The following CDK6 variants were observed in gnomAD, a reference collection of about 807,000 sequenced individuals.
CDK6 encodes cyclin-dependent kinase 6.
CDK6 carries 6 observed loss-of-function variants against 37.1 expected under a neutral mutation model. That is an observed-to-expected ratio of 0.16 (90% CI 0.09 to 0.32). The LOEUF (loss-of-function observed/expected upper bound fraction) is 0.32. Ranked by LOEUF, CDK6 falls within the 10% of genes least tolerant of loss-of-function variation. The probability of loss-of-function intolerance (pLI) is 1.00; values close to 1 mark genes in which losing one functional copy is unlikely to be tolerated. For missense variants in CDK6, 224 were observed against 418.9 expected (o/e 0.53, Z 4.06); for synonymous variants, 160 against 161.3 (o/e 0.99, Z 0.06).
chr7:92,630,498 G>T, intron 5 of CDK6, among the ~76,000 whole-genome samples: 1 of 152,106 alleles, frequency 6.6e-6, no homozygotes, highest in East Asian at 1.9e-4. Context: ...CTTTGCAAAT[G>T]AAAGAAAGTT....
intron 4 of CDK6, among the ~76,000 whole-genome samples, chr7:92,721,328 G>A (rs1798360467): frequency 6.6e-6 from 1 of 152,130 alleles, no homozygotes; most frequent in African/African-American, 2.4e-5. Context: ...CCTGTGTGCG[G>A]TATGGGGCAG....
At chr7:92,792,831 C>T (rs1800316827) in intron 2 of CDK6, among the ~76,000 whole-genome samples, 1 of 151,888 alleles carries the variant, frequency 6.6e-6, no homozygotes, top group Non-Finnish European at 1.5e-5. Context: ...CTTCTCAGAG[C>T]TCCAGACACA....
At chr7:92,658,975 C>A (rs566023744) in intron 5 of CDK6, among the ~76,000 whole-genome samples, 87 of 152,202 alleles carry the variant, frequency 5.7e-4, no homozygotes, top group African/African-American at 1.8e-3. Flanking sequence ...GCTCAAGCAC[C>A]ATTAATTCAG....
chr7:92,782,805 A>C (rs535591743), intron 2 of CDK6, among the ~76,000 whole-genome samples: 26 of 152,230 alleles, frequency 1.7e-4, no homozygotes, highest in South Asian at 4.1e-4. Context: ...CTTGCAACAA[A>C]AAATTGTCCT....
intron 2 of CDK6, among the ~76,000 whole-genome samples, chr7:92,781,332 G>A (rs1271065095): frequency 6.6e-6 from 1 of 152,222 alleles, no homozygotes; most frequent in African/African-American, 2.4e-5. Context: ...CAGTTTTCCA[G>A]CTGTCCTAGT....
At position 92,613,053 on chromosome 7, in the gene CDK6, C is replaced by G. The variant is rs1795597271; in HGVS notation, c.*2087G>C. The G allele has an allele frequency of 4.3e-6, 1 of 233,006 alleles. No individual in the cohort carries two copies. Among genetic ancestry groups the G allele is most frequent in the Non-Finnish European group, 8.5e-6 (1 of 117,998 alleles). The allele number at this position is 233,006 out of a possible 1,614,324, so 14.4% of individuals were successfully genotyped here. On this transcript the variant is annotated 3_prime_UTR_variant, in exon 8 of 8. Transcript: ENST00000424848. ...TGACAACACCTAATCAATGTTGTCA[C>G]AACGAAAGTAGAAAACATTTGTATG...
At chr7:92,787,528 T>C (rs909242636) in intron 2 of CDK6, among the ~76,000 whole-genome samples, 1 of 152,094 alleles carries the variant, frequency 6.6e-6, no homozygotes, top group South Asian at 2.1e-4. Flanking sequence ...AGAATATAAA[T>C]TTTTTGTTTA....
At chr7:92,704,856 C>A (rs1797932541) in intron 4 of CDK6, among the ~76,000 whole-genome samples, 1 of 152,172 alleles carries the variant, frequency 6.6e-6, no homozygotes. Context: ...TAACTTAAGG[C>A]ATGGAATTGC....
chr7:92,698,897 A>G (rs1797779518), intron 4 of CDK6, among the ~76,000 whole-genome samples: 1 of 152,072 alleles, frequency 6.6e-6, no homozygotes, highest in African/African-American at 2.4e-5. Context: ...TTTTTTTCTC[A>G]TTCAGTTATA....
At chr7:92,727,510 T>C (rs1176489749) in intron 3 of CDK6, among the ~76,000 whole-genome samples, 2 of 152,214 alleles carry the variant, frequency 1.3e-5, no homozygotes, top group East Asian at 1.9e-4. Flanking sequence ...CAAGTGCTTG[T>C]ACAGTTTCTG....
intron 5 of CDK6, among the ~76,000 whole-genome samples, chr7:92,656,377 T>C (rs1796699715): frequency 6.6e-6 from 1 of 152,074 alleles, no homozygotes; most frequent in African/African-American, 2.4e-5. Context: ...CAAGGGCCCG[T>C]ATGGAGTTAC....
rs535913719 is a variant in CDK6 at position 92,608,011 on chromosome 7, T to C, written c.*7129A>G. On this transcript the variant is annotated 3_prime_UTR_variant, in exon 8 of 8. Transcript: ENST00000424848. ...CAGAAATATTGCTAGCTGATACATA[T>C]TATTGCATTTCATAAAACTTAAGAT... 37 of 233,436 alleles carry C rather than the reference T, an allele frequency of 1.6e-4. No individual in the cohort carries two copies. The East Asian group carries it at 2.2e-3, about 14-fold the overall frequency. The allele number at this position is 233,436 out of a possible 1,614,324, so 14.5% of individuals were successfully genotyped here.
At chr7:92,766,384 A>G (rs181532520) in intron 3 of CDK6, among the ~76,000 whole-genome samples, 26 of 152,318 alleles carry the variant, frequency 1.7e-4, no homozygotes, top group African/African-American at 5.8e-4. Context: ...AAAAATCAAG[A>G]ATTATGCCTA....
At chr7:92,716,383 G>A (rs1235862683) in intron 4 of CDK6, among the ~76,000 whole-genome samples, 1 of 152,202 alleles carries the variant, frequency 6.6e-6, no homozygotes, top group African/African-American at 2.4e-5. Context: ...ATGCCATGCT[G>A]TAGAGTTACA....
chr7:92,694,285 A>G (rs917879648), intron 4 of CDK6, among the ~76,000 whole-genome samples: 3 of 152,214 alleles, frequency 2.0e-5, no homozygotes, highest in South Asian at 2.1e-4. Context: ...TCTCAACTAC[A>G]AAATCAAGAA....
chr7:92,790,954 T>C (rs1220248764), intron 2 of CDK6, among the ~76,000 whole-genome samples: 1 of 152,112 alleles, frequency 6.6e-6, no homozygotes, highest in Non-Finnish European at 1.5e-5. Context: ...CTCTGGAAAG[T>C]GGGCAACTAT....
intron 2 of CDK6, among the ~76,000 whole-genome samples, chr7:92,826,971 T>C (rs1801338101): frequency 6.6e-6 from 1 of 152,150 alleles, no homozygotes; most frequent in South Asian, 2.1e-4. Context: ...GAAAATACTT[T>C]TACATCTCAA....
Position 92,611,567 on chromosome 7 carries a change from A to G in CDK6, c.*3573T>C. On this transcript the variant is annotated 3_prime_UTR_variant, in exon 8 of 8. Coordinates refer to ENST00000424848, the MANE Select transcript of CDK6 (RefSeq NM_001145306.2). ...GCCATTACTGACTTTAATAGGCACC[A>G]CTTGTAAAAGAAGCAGCTACAGTTT... 4.4e-6 allele frequency: 1 copy of G among 228,688 alleles called. No homozygotes were observed. Among genetic ancestry groups the G allele is most frequent in the Non-Finnish European group, 8.7e-6 (1 of 115,338 alleles). The allele number at this position is 228,688 out of a possible 1,614,324, so 14.2% of individuals were successfully genotyped here.
rs1795415990 is a variant in CDK6, at chr7:92,605,851, CCCG to C, written c.*9286_*9288del. On this transcript the variant is annotated 3_prime_UTR_variant, in exon 8 of 8. Transcript: ENST00000424848. ...AGCTGTGCTGCACCCACAGGGTGGA[CCCG>C]ACAGGCCACTGTGGTAACTCTCAAT... 4.3e-6 allele frequency: 1 copy of C among 233,294 alleles called. No individual in the cohort carries two copies. The highest frequency in any genetic ancestry group is 5.6e-5 in the Admixed American group (1 of 17,774). The allele number at this position is 233,294 out of a possible 1,614,324, so 14.5% of individuals were successfully genotyped here. A position where few individuals can be genotyped will look rare whatever the true frequency, so the allele number is the denominator to read the frequency against.
Sources: allele counts gnomAD v4.1 joint callset (sites outside exome capture counted in the v4.1 genomes callset), GRCh38; gene constraint gnomAD v4.1.1; transcripts MANE v1.5; gene names NCBI Gene and HGNC (gene_info 2026-07-23, HGNC 2026-07-21).